Variants in CX3CR1 observed in about 807,000 individuals in gnomAD.
The protein encoded by CX3CR1 is C-X3-C motif chemokine receptor 1.
For missense variants in CX3CR1, 363 were observed against 432.4 expected, an observed-to-expected ratio of 0.84 and a Z score of 1.42; for synonymous variants, 168 against 178.5, an observed-to-expected ratio of 0.94 and a Z score of 0.47.
Position 39,266,114 on chromosome 3 carries a change from G to A in CX3CR1, c.396C>T (p.Val132=). The A allele has an allele frequency of 6.2e-7, 1 of 1,614,222 alleles. No homozygotes were observed. The highest frequency in any genetic ancestry group is 1.1e-5 in the South Asian group (1 of 91,086). The part of the protein sequence containing the change: ...VISIDRYLAI[V]LAANSMNNRT... ...GGTTGTTCATGGAGTTGGCGGCCAGGACGATGGCCAGGTACCTATCAATGC... is the reference window on the plus strand; with the variant it reads ...GGTTGTTCATGGAGTTGGCGGCCAGAACGATGGCCAGGTACCTATCAATGC... Residue 132 remains valine, a synonymous_variant, in exon 2 of 2, where the codon GTC becomes GTT. Transcript: ENST00000399220.
chr3:39,266,442 A>T lies in CX3CR1; in HGVS notation c.68T>A (p.Ile23Asn), dbSNP rs750523600. Residue 23 changes from isoleucine (I) to asparagine (N), a missense_variant, in exon 2 of 2, where the codon ATT becomes AAT. Physicochemically the swap from Ile to Asn is moderately radical, Grantham distance 149. Transcript: ENST00000399220. ...AGTCCCAAAGACCACGATGTCCCCA[A>T]TATAACAGGCCTCAGCCAAATCATC... is the stretch of plus-strand genomic sequence containing the variant. ...EYDDLAEACY[I>N]GDIVVFGTVF... 6.2e-7 allele frequency: 1 copy of T among 1,614,224 alleles called. No individual in the cohort carries two copies. The highest frequency in any genetic ancestry group is 1.1e-5 in the South Asian group (1 of 91,082).
chr3:39,283,032 C>T (rs1343199454), upstream of CX3CR1, among the ~76,000 whole-genome samples: 1 of 152,152 alleles, frequency 6.6e-6, no homozygotes, highest in East Asian at 1.9e-4. Context: ...GCTGGAACTA[C>T]AGGCACACAT....
Position 39,265,347 on chromosome 3 carries a change from C to T in CX3CR1, c.*95G>A. 1 of 1,322,400 alleles carries T rather than the reference C, an allele frequency of 7.6e-7. No homozygotes were observed. Among genetic ancestry groups the T allele is most frequent in the Non-Finnish European group, 1.0e-6 (1 of 963,252 alleles). 81.9% of individuals were successfully genotyped at this position (1,322,400 alleles called of 1,614,324 possible). A position where few individuals can be genotyped will look rare whatever the true frequency, so the allele number is the denominator to read the frequency against. On this transcript the variant is annotated 3_prime_UTR_variant, in exon 2 of 2. Transcript: ENST00000399220. ...TGTGCATTGGGTCCATCATTTTGTG[C>T]CTGTAAGAAATAACAACAAAAATCT... is the stretch of plus-strand genomic sequence containing the variant.
At chr3:39,289,191 C>T in the CX3CR1 span, among the ~76,000 whole-genome samples, 5 of 151,914 alleles carry the variant, frequency 3.3e-5, no homozygotes, top group Admixed American at 6.6e-5. Flanking sequence ...ATGGCAAAGT[C>T]GGCATGAGGA....
intron 1 of CX3CR1, among the ~76,000 whole-genome samples, chr3:39,274,452 C>T (rs1054314853): frequency 9.3e-5 from 13 of 140,392 alleles, no homozygotes; most frequent in Non-Finnish European, 2.0e-4. Flanking sequence ...AGGCCAAATG[C>T]ACACCCAACC....
At chr3:39,271,243 A>G (rs1258557492) in intron 1 of CX3CR1, among the ~76,000 whole-genome samples, 2 of 152,180 alleles carry the variant, frequency 1.3e-5, no homozygotes, top group African/African-American at 4.8e-5. Context: ...AAAGAGTTTC[A>G]TCTAGTAGTG....
intron 1 of CX3CR1, among the ~76,000 whole-genome samples, chr3:39,269,578 G>A (rs1196020160): frequency 6.6e-6 from 1 of 152,228 alleles, no homozygotes. Flanking sequence ...GCTCTGGGCA[G>A]GATGGTTTTG....
intron 1 of CX3CR1, among the ~76,000 whole-genome samples, chr3:39,270,874 C>T (rs1011276990): frequency 6.6e-6 from 1 of 152,130 alleles, no homozygotes; most frequent in East Asian, 1.9e-4. Flanking sequence ...AAATGAGTAA[C>T]TTAGTACAAT....
chr3:39,284,518 T>C (rs1225277296), upstream of CX3CR1, among the ~76,000 whole-genome samples: 1 of 152,064 alleles, frequency 6.6e-6, no homozygotes, highest in Non-Finnish European at 1.5e-5. Context: ...CAGTTTAAAG[T>C]CTGGGGATTA....
upstream of CX3CR1, among the ~76,000 whole-genome samples, chr3:39,283,793 A>ATT (rs1559371891): frequency 9.4e-5 from 6 of 63,930 alleles, no homozygotes; most frequent in Non-Finnish European, 8.8e-5. Context: ...AAAAAAAAAA[A>ATT]ATTATATATA....
intron 1 of CX3CR1, among the ~76,000 whole-genome samples, chr3:39,267,207 AG>A (rs768232240): frequency 6.8e-6 from 1 of 146,664 alleles, no homozygotes; most frequent in Non-Finnish European, 1.5e-5. Flanking sequence ...CAGGAGGGGG[AG>A]GGGGGTGAGA....
At chr3:39,272,943 C>T (rs2040795421) in intron 1 of CX3CR1, among the ~76,000 whole-genome samples, 1 of 152,218 alleles carries the variant, frequency 6.6e-6, no homozygotes, top group African/African-American at 2.4e-5. Flanking sequence ...CTCTTCACAA[C>T]CCCACTGGAG....
chr3:39,278,655 C>T (rs200917248), intron 1 of CX3CR1, among the ~76,000 whole-genome samples: 10 of 103,704 alleles, frequency 9.6e-5, no homozygotes, highest in African/African-American at 1.1e-4. Flanking sequence ...TTTTTCTTTT[C>T]TTTTTTTTTT....
intron 1 of CX3CR1, among the ~76,000 whole-genome samples, chr3:39,269,127 T>C (rs1003055789): frequency 1.3e-5 from 2 of 151,068 alleles, no homozygotes; most frequent in African/African-American, 2.4e-5. Flanking sequence ...TTTGGATTAA[T>C]ATTGATCTAA....
chr3:39,286,634 G>A (rs2125559409), upstream of CX3CR1: 1 of 141,852 alleles, frequency 7.0e-6, no homozygotes, highest in East Asian at 2.3e-4. Context: ...GTCCGGCCTG[G>A]GCGACAGAGC....
chr3:39,265,709 C>T lies in CX3CR1; in HGVS notation c.801G>A (p.Met267Ile). The T allele has an allele frequency of 1.2e-6, 2 of 1,614,222 alleles. No individual in the cohort carries two copies. Among genetic ancestry groups the T allele is most frequent in the Non-Finnish European group, 1.7e-6 (2 of 1,180,042 alleles). ...TGAGGGCCAGCCTCAGATCCTTCCT[C>T]ATGTCACAACTGGGAAAGAAGTCAT... ...KLYDFFPSCD[M>I]RKDLRLALSV... is the part of the protein sequence containing the mutation. Residue 267 changes from methionine (M) to isoleucine (I), a missense_variant, in exon 2 of 2, where the codon ATG (methionine) becomes ATA (isoleucine). Transcript: ENST00000399220.
In CX3CR1 at chr3:39,265,579, A is replaced by G. The variant is rs752967506; in HGVS notation, c.931T>C (p.Cys311Arg). ...GAGCGCCCACACAGGACAGCCAGGC[A>G]TTTCCCATACAGGTGGTAAAGGTAT... Reference protein sequence around the residue: ...RRYLYHLYGKCLAVLCGRSVH... With the variant: ...RRYLYHLYGKRLAVLCGRSVH... Residue 311 changes from cysteine (C) to arginine (R), a missense_variant, in exon 2 of 2, where the codon TGC becomes CGC. Cys to Arg is a radical substitution (Grantham distance 180, BLOSUM62 -3). Coordinates refer to ENST00000399220, the MANE Select transcript of CX3CR1 (RefSeq NM_001337.4). The G allele has an allele frequency of 6.2e-7, 1 of 1,614,196 alleles. No individual in the cohort carries two copies. The highest frequency in any genetic ancestry group is 8.5e-7 in the Non-Finnish European group (1 of 1,180,034).
the CX3CR1 span, among the ~76,000 whole-genome samples, chr3:39,290,275 C>A: frequency 6.6e-6 from 1 of 152,122 alleles, no homozygotes; most frequent in Admixed American, 6.5e-5. Flanking sequence ...TGGATTTTAT[C>A]TGGGGGGATT....
Position 39,279,953 on chromosome 3 carries a change from C to A in CX3CR1, c.-10+1G>T. 2 of 985,424 alleles carry A rather than the reference C, an allele frequency of 2.0e-6. No individual in the cohort carries two copies. Among genetic ancestry groups the A allele is most frequent in the Non-Finnish European group, 2.4e-6 (2 of 829,878 alleles). The allele number at this position is 985,424 out of a possible 1,614,324, so 61.0% of individuals were successfully genotyped here. On this transcript the variant is annotated splice_donor_variant, in intron 1 of 1. Transcript: ENST00000399220. LOFTEE classifies it low-confidence loss of function (5UTR_SPLICE). ...GTACCCAACTAGTCCTGTGCACCTACCTGGCGTGGACTGCCAAGGGAACCT... is the reference window on the plus strand; with the variant it reads ...GTACCCAACTAGTCCTGTGCACCTAACTGGCGTGGACTGCCAAGGGAACCT...
Sources: gnomAD v4.1 joint callset for allele counts (sites outside exome capture counted in the v4.1 genomes callset) on GRCh38, gnomAD v4.1.1 for gene constraint, MANE v1.5 for transcripts, NCBI Gene and HGNC (gene_info 2026-07-23, HGNC 2026-07-21) for gene names.